Variants in DPP10 observed in about 807,000 individuals in gnomAD.
The protein encoded by DPP10 is inactive dipeptidyl peptidase 10.
A neutral mutation model predicts 120.9 loss-of-function variants in DPP10; 33 were observed. The observed-to-expected ratio is 0.27, with a 90% CI of 0.21 to 0.37. DPP10 has a LOEUF of 0.37. Among genes scored for constraint, DPP10 ranks in the 10% least tolerant of loss-of-function variants. DPP10 has a pLI of 1.00. For synonymous variants in DPP10, 337 were observed against 326.1 expected, an observed-to-expected ratio of 1.03 and a Z score of -0.36; for missense variants, 816 against 942.8, an observed-to-expected ratio of 0.87 and a Z score of 1.76.
Position 115,164,159 on chromosome 2 carries a change from A to G in DPP10, c.61-145080A>G, listed in dbSNP as rs2052654246. On this transcript the variant is annotated intron_variant, in intron 1 of 25. Coordinates refer to ENST00000410059, the MANE Select transcript of DPP10 (RefSeq NM_020868.6). Reference sequence around the variant, plus strand: ...ATAGATTGATTTTACAAAGAAAGTCAACTGAAATATACACATGGCACCTCG... The same window carrying G: ...ATAGATTGATTTTACAAAGAAAGTCGACTGAAATATACACATGGCACCTCG... Among the ~76,000 whole-genome samples, 4 of 152,282 alleles carry G rather than the reference A, an allele frequency of 2.6e-5. No homozygotes were observed. The South Asian group carries it at 8.3e-4, about 32-fold the overall frequency.
chr2:115,288,104 T>A (rs1428563664), intron 1 of DPP10, among the ~76,000 whole-genome samples: 1 of 152,178 alleles, frequency 6.6e-6, no homozygotes, highest in Non-Finnish European at 1.5e-5. Context: ...TACTGTTTTC[T>A]ATAGATGTTT....
In DPP10 at chr2:114,504,009, T is replaced by C. The variant is rs114064657; in HGVS notation, c.60+61171T>C. Among the ~76,000 whole-genome samples the C allele has an allele frequency of 8.6e-3, 1,314 of 152,334 alleles. 28 individuals carry two copies. Among genetic ancestry groups the C allele is most frequent in the African/African-American group, 0.03 (1,249 of 41,568 alleles). On this transcript the variant is annotated intron_variant, in intron 1 of 25. Transcript: ENST00000410059. ...GGAATAGATATGTTTTAACCAAGTG[T>C]AGTAAAGTGAATATTCTACTTTCTA...
chr2:115,425,421 C>T (rs1208423658), intron 3 of DPP10, among the ~76,000 whole-genome samples: 2 of 152,062 alleles, frequency 1.3e-5, no homozygotes, highest in Non-Finnish European at 2.9e-5. Flanking sequence ...ATTATAGTTT[C>T]TAATGTAATT....
intron 5 of DPP10, among the ~76,000 whole-genome samples, chr2:115,549,244 T>C (rs2079720195): frequency 6.6e-6 from 1 of 152,156 alleles, no homozygotes; most frequent in East Asian, 1.9e-4. Flanking sequence ...GTCTATACGG[T>C]AGGCCTGGAG....
intron 21 of DPP10, among the ~76,000 whole-genome samples, chr2:115,826,854 C>T (rs116492158): frequency 0.013 from 1,969 of 152,058 alleles, 46 homozygotes; most frequent in African/African-American, 0.043. Context: ...TTACGTATTA[C>T]GTATTTATAT....
chr2:115,740,850 C>T (rs1437843980), intron 9 of DPP10, among the ~76,000 whole-genome samples: 2 of 152,070 alleles, frequency 1.3e-5, no homozygotes, highest in East Asian at 1.9e-4. Flanking sequence ...TTATGGGAAA[C>T]GTGTAAAATT....
intron 1 of DPP10, among the ~76,000 whole-genome samples, chr2:114,950,630 A>G: frequency 6.6e-6 from 1 of 151,608 alleles, no homozygotes. Context: ...AACTTAGAAC[A>G]CCTTTGGGTT....
At chr2:115,653,629 G>A (rs774003633) in intron 5 of DPP10, among the ~76,000 whole-genome samples, 3 of 151,886 alleles carry the variant, frequency 2.0e-5, no homozygotes, top group Non-Finnish European at 4.4e-5. Context: ...AACACAATGT[G>A]TATGTTCTTT....
intron 1 of DPP10, among the ~76,000 whole-genome samples, chr2:114,910,564 T>C (rs1239616291): frequency 1.3e-5 from 2 of 152,144 alleles, no homozygotes; most frequent in Non-Finnish European, 2.9e-5. Flanking sequence ...TACTACATTC[T>C]GATTTCTATT....
intron 1 of DPP10, among the ~76,000 whole-genome samples, chr2:114,944,055 T>C (rs1697173534): frequency 6.6e-6 from 1 of 152,194 alleles, no homozygotes; most frequent in African/African-American, 2.4e-5. Flanking sequence ...ATGTTAAATA[T>C]CTTAGGGTAA....
At position 115,739,875 on chromosome 2, in the gene DPP10, G is replaced by T; in HGVS notation, c.834G>T (p.Lys278Asn). Reference sequence around the variant, plus strand: ...CTGGAGCGTTGTATCCCAAAGGAAAGCAGTATCCGTATCCTAAGGTAAGTA... The same window carrying T: ...CTGGAGCGTTGTATCCCAAAGGAAATCAGTATCCGTATCCTAAGGTAAGTA... ...RFTGALYPKG[K>N]QYPYPKAGQV... The change falls in exon 9 of 26, where the codon AAG becomes AAT. Residue 278 changes from lysine to asparagine, a missense_variant. By Grantham distance (94) the Lys-to-Asn change is moderately conservative. This residue lies in a region of DPP10 where 592 missense variants were observed against 649.0 expected (regional missense o/e 0.91). Coordinates refer to ENST00000410059, the MANE Select transcript of DPP10 (RefSeq NM_020868.6). 2 of 1,613,246 alleles carry T rather than the reference G, an allele frequency of 1.2e-6. No homozygotes were observed. The highest frequency in any genetic ancestry group is 8.5e-7 in the Non-Finnish European group (1 of 1,179,324).
chr2:115,277,102 T>A (rs2059950438), intron 1 of DPP10, among the ~76,000 whole-genome samples: 1 of 152,198 alleles, frequency 6.6e-6, no homozygotes, highest in South Asian at 2.1e-4. Flanking sequence ...ACTTATAACT[T>A]AGATATTAAG....
chr2:114,487,043 G>A (rs1573467944), intron 1 of DPP10, among the ~76,000 whole-genome samples: 1 of 151,998 alleles, frequency 6.6e-6, no homozygotes, highest in Admixed American at 6.6e-5. Context: ...ATGAGAAGTC[G>A]ATTTTTGAAA....
rs2050177919 is a variant in DPP10, at chr2:115,128,313, T to G, written c.61-180926T>G. ...TCCCAGCCCAGAATATCTTATTTTG[T>G]TGATGCATCAAAATACTCACATCAT... On this transcript the variant is annotated intron_variant, in intron 1 of 25. Coordinates refer to ENST00000410059, the MANE Select transcript of DPP10 (RefSeq NM_020868.6). 3.3e-5 allele frequency among the ~76,000 whole-genome samples: 5 copies of G among 152,306 alleles called. No homozygotes were observed. In the South Asian group the frequency reaches 8.3e-4, roughly 25 times the overall value.
chr2:115,600,284 TG>T (rs1298713045), intron 5 of DPP10, among the ~76,000 whole-genome samples: 12 of 152,158 alleles, frequency 7.9e-5, no homozygotes, highest in Admixed American at 3.9e-4. Context: ...GTGTAAGGAT[TG>T]TTTTTTTAAG....
chr2:115,435,135 G>C (rs2104811655), intron 3 of DPP10, among the ~76,000 whole-genome samples: 1 of 151,498 alleles, frequency 6.6e-6, no homozygotes, highest in East Asian at 1.9e-4. Context: ...GTATAGTGCT[G>C]TAATAAACCT....
At chr2:115,015,929 G>T (rs1042812551) in intron 1 of DPP10, among the ~76,000 whole-genome samples, 2 of 152,022 alleles carry the variant, frequency 1.3e-5, no homozygotes, top group Non-Finnish European at 2.9e-5. Context: ...ACTGCCCAAA[G>T]TAATTTATAG....
intron 1 of DPP10, among the ~76,000 whole-genome samples, chr2:114,809,772 A>G (rs546681692): frequency 2.6e-5 from 4 of 152,126 alleles, no homozygotes; most frequent in African/African-American, 4.8e-5. Flanking sequence ...AGTCTATTCA[A>G]TGGATCTGCA....
chr2:115,811,503 G>A (rs918297774), intron 19 of DPP10, among the ~76,000 whole-genome samples: 3 of 152,080 alleles, frequency 2.0e-5, no homozygotes, highest in Non-Finnish European at 2.9e-5. Context: ...TAATTTACTT[G>A]CCTGCCATAA....
Sources: gnomAD v4.1 joint callset for allele counts (sites outside exome capture counted in the v4.1 genomes callset) on GRCh38, gnomAD v4.1.1 for gene constraint, gnomAD v4.1.1 regional missense constraint, MANE v1.5 for transcripts, NCBI Gene and HGNC (gene_info 2026-07-23, HGNC 2026-07-21) for gene names.